BRD3: variants seen among roughly 807,000 people sequenced by gnomAD.
BRD3 encodes bromodomain-containing protein 3.
BRD3 carries 17 observed loss-of-function variants against 66.8 expected under a neutral mutation model. That is an observed-to-expected ratio of 0.25 (90% CI 0.17 to 0.38). The LOEUF is 0.38. Ranked by LOEUF, BRD3 falls within the 10% of genes least tolerant of loss-of-function variation. BRD3 has a pLI of 1.00. For missense variants in BRD3, 713 were observed against 956.1 expected, an observed-to-expected ratio of 0.75 and a Z score of 3.35; for synonymous variants, 421 against 393.2, an observed-to-expected ratio of 1.07 and a Z score of -0.84.
At position 134,041,876 on chromosome 9, in the gene BRD3, G is replaced by C. The variant is rs779616984; in HGVS notation, c.1291C>G (p.Pro431Ala). The change falls in exon 8 of 12, where the codon CCC becomes GCC. Residue 431 changes from proline to alanine, a missense_variant. Physicochemically the swap from Pro to Ala is conservative, Grantham distance 27 (BLOSUM62 -1). Transcript: ENST00000303407. ...EAPALPAPAAPMVSKGAESSR... is the reference protein window; with the variant it reads ...EAPALPAPAAAMVSKGAESSR... ...CTCTCAGCGCCCTTGCTCACCATGG[G>C]GGCCGCGGGGGCAGGCAGCGCCGGT... 7 of 1,611,970 alleles carry C rather than the reference G, an allele frequency of 4.3e-6. No individual in the cohort carries two copies. The Admixed American group carries it at 1.0e-4, about 23-fold the overall frequency.
intron 7 of BRD3, among the ~76,000 whole-genome samples, chr9:134,042,738 C>CAT (rs568205734): frequency 6.8e-4 from 93 of 135,984 alleles, no homozygotes; most frequent in African/African-American, 3.2e-3. Flanking sequence ...TATATACACA[C>CAT]ATATATACAC....
At position 134,036,219 on chromosome 9, in the gene BRD3, G is replaced by A. The variant is rs1196099187; in HGVS notation, c.1749C>T (p.Asp583=). ...GCTTCTCCCCGGGCAGCCGGTTGAT[G>A]TCCAGGCTAAGCTGGCGCTTTTCAT... ...SYDEKRQLSL[D]INRLPGEKLG... The change falls in exon 10 of 12, where the codon GAC becomes GAT. Residue 583 remains aspartate, a synonymous_variant. Coordinates refer to ENST00000303407, the MANE Select transcript of BRD3 (RefSeq NM_007371.4). 1 of 1,614,262 alleles carries A rather than the reference G, an allele frequency of 6.2e-7. No individual in the cohort carries two copies. Among genetic ancestry groups the A allele is most frequent in the Non-Finnish European group, 8.5e-7 (1 of 1,180,052 alleles).
intron 8 of BRD3, among the ~76,000 whole-genome samples, chr9:134,041,134 C>T (rs921784811): frequency 6.6e-6 from 1 of 152,238 alleles, no homozygotes; most frequent in Admixed American, 6.5e-5. Flanking sequence ...ATGCTGTTCC[C>T]CTCCTGACTC....
chr9:134,036,484 C>G, intron 9 of BRD3, 160 bp from the exon 10 acceptor site: 3 of 1,578,888 alleles, frequency 1.9e-6, no homozygotes, highest in East Asian at 2.3e-5. Flanking sequence ...TTAGAAAAGT[C>G]GCTCCCAGCT....
chr9:134,053,207 G>A (rs1041031953), intron 2 of BRD3, 58 bp downstream of exon 2: 4 of 1,574,664 alleles, frequency 2.5e-6, no homozygotes, highest in Non-Finnish European at 3.5e-6. Flanking sequence ...GGCAGCAGGA[G>A]GGGGACAGAG....
At chr9:134,061,607 G>C (rs1473786466) in intron 1 of BRD3, among the ~76,000 whole-genome samples, 1 of 152,220 alleles carries the variant, frequency 6.6e-6, no homozygotes, top group African/African-American at 2.4e-5. Flanking sequence ...CTCTGTACCT[G>C]TGTCCCTGAC....
intron 5 of BRD3, 73 bp downstream of exon 5, chr9:134,050,301 G>T: frequency 6.8e-7 from 1 of 1,468,852 alleles, no homozygotes; most frequent in Non-Finnish European, 9.4e-7. Context: ...CCCCCCGCCT[G>T]CTGCTCCTGC....
rs201664190 is a variant in BRD3, at chr9:134,040,261, G to A, written c.1416C>T (p.Ala472=). Residue 472 remains alanine, a synonymous_variant, in exon 9 of 12, where the codon GCC becomes GCT. Transcript: ENST00000303407. Reference sequence around the variant, plus strand: ...ACAGGGCGGCCAGCTGCTCGTGCACGGCCTTCAGCTGGAAAAGAGCGGGCG... The same window carrying A: ...ACAGGGCGGCCAGCTGCTCGTGCACAGCCTTCAGCTGGAAAAGAGCGGGCG... The part of the protein sequence containing the change: ...RLAELQEQLK[A]VHEQLAALSQ... 44 of 1,594,998 alleles carry A rather than the reference G, an allele frequency of 2.8e-5. No homozygotes were observed. The highest frequency in any genetic ancestry group is 1.0e-4 in the Admixed American group (6 of 57,468).
intron 1 of BRD3, among the ~76,000 whole-genome samples, chr9:134,067,606 G>GCGCGCGGGC (rs908349676): frequency 6.8e-6 from 1 of 146,930 alleles, no homozygotes; most frequent in Admixed American, 6.8e-5. Flanking sequence ...CTGGCGCGGG[G>GCGCGCGGGC]CGCGCGGGCC....
At position 134,052,725 on chromosome 9, in the gene BRD3, C is replaced by T. The variant is rs77677816; in HGVS notation, c.214-282G>A. ...CTACATACTGGAGATGGGGCCAAAC[C>T]TTCCAGGGACCAAACCTGCAGGTGA... On this transcript the variant is annotated intron_variant, in intron 2 of 11. Coordinates refer to ENST00000303407, the MANE Select transcript of BRD3 (RefSeq NM_007371.4). 6.4e-4 allele frequency among the ~76,000 whole-genome samples: 97 copies of T among 152,354 alleles called. 1 individual carries two copies. In the East Asian group the frequency reaches 0.018, roughly 28 times the overall value.
intron 9 of BRD3, among the ~76,000 whole-genome samples, chr9:134,038,131 GA>G (rs1170785623): frequency 6.6e-6 from 1 of 152,154 alleles, no homozygotes; most frequent in Non-Finnish European, 1.5e-5. Context: ...GAAAACAGAA[GA>G]GGGGCAACAC....
At chr9:134,061,040 T>G (rs1252788339) in intron 1 of BRD3, among the ~76,000 whole-genome samples, 1 of 152,252 alleles carries the variant, frequency 6.6e-6, no homozygotes, top group Non-Finnish European at 1.5e-5. Flanking sequence ...TCTGTCCAGT[T>G]GCCACCAAAG....
At chr9:134,044,011 C>T (rs1019410084) in intron 7 of BRD3, among the ~76,000 whole-genome samples, 1 of 152,252 alleles carries the variant, frequency 6.6e-6, no homozygotes, top group Non-Finnish European at 1.5e-5. Flanking sequence ...CTGCCAGCTT[C>T]CCTGCTCGGT....
chr9:134,047,908 T>A, intron 6 of BRD3, 175 bp downstream of exon 6: 2 of 872,170 alleles, frequency 2.3e-6, no homozygotes, highest in South Asian at 4.2e-5. Context: ...CACGCCTTCC[T>A]CGCTGAGCCT....
intron 7 of BRD3, 56 bp from the exon 8 acceptor site, chr9:134,042,007 G>A: frequency 6.8e-7 from 1 of 1,480,124 alleles, no homozygotes; most frequent in Non-Finnish European, 9.0e-7. Context: ...GCTGCCCCTT[G>A]GTGTGGGCCC....
intron 1 of BRD3, chr9:134,056,793 G>C (rs1161520099): frequency 6.6e-6 from 1 of 152,410 alleles, no homozygotes; most frequent in African/African-American, 2.4e-5. Flanking sequence ...GGCTGAGACG[G>C]GCTCAGTGCC....
At chr9:134,060,977 T>C (rs570514805) in intron 1 of BRD3, among the ~76,000 whole-genome samples, 4 of 152,322 alleles carry the variant, frequency 2.6e-5, no homozygotes, top group African/African-American at 4.8e-5. Context: ...TCAGAAAAGA[T>C]GCTGAGTCCA....
chr9:134,045,498 C>T lies in BRD3; in HGVS notation c.1087-77G>A, dbSNP rs1350757171. 23 of 1,588,042 alleles carry T rather than the reference C, an allele frequency of 1.4e-5. No individual in the cohort carries two copies. Among genetic ancestry groups the T allele is most frequent in the African/African-American group, 6.7e-5 (5 of 74,478 alleles). Reference sequence around the variant, plus strand: ...TCTCTGCCACACCCCACGAGATGAACTCTGGAGCCTCAGGAGCCACTGCCA... The same window carrying T: ...TCTCTGCCACACCCCACGAGATGAATTCTGGAGCCTCAGGAGCCACTGCCA... On this transcript the variant is annotated intron_variant, in intron 6 of 11. Transcript: ENST00000303407. This position sits in a 1 kb window ranked among gnomAD's most constrained non-coding sequence, Gnocchi z 4.8.
chr9:134,058,393 G>A (rs1830469411), intron 1 of BRD3: 2 of 152,300 alleles, frequency 1.3e-5, no homozygotes, highest in Admixed American at 1.3e-4. Context: ...GAGTGTGGCT[G>A]GCAGTGTTGG....
Sources: gnomAD v4.1 joint callset for allele counts (sites outside exome capture counted in the v4.1 genomes callset) on GRCh38, gnomAD v4.1.1 for gene constraint, Gnocchi (gnomAD v3.1) non-coding constraint, MANE v1.5 for transcripts, NCBI Gene and HGNC (gene_info 2026-07-23, HGNC 2026-07-21) for gene names.